ZNF804A: variants seen among roughly 807,000 people sequenced by gnomAD.
ZNF804A encodes zinc finger protein 804A.
A neutral mutation model predicts 16.5 loss-of-function variants in ZNF804A; 2 were observed. The observed-to-expected ratio is 0.12, with a 90% CI of 0.05 to 0.38. The LOEUF is 0.38. Among genes scored for constraint, ZNF804A ranks in the 10% least tolerant of loss-of-function variants. The pLI, the probability that ZNF804A is intolerant of heterozygous loss-of-function variation, is 0.99. For missense variants in ZNF804A, 1,473 were observed against 1,390.7 expected (o/e 1.06, Z -0.94); for synonymous variants, 534 against 489.6 (o/e 1.09, Z -1.20).
chr2:184,857,407 C>T (rs142910221), intron 1 of ZNF804A, among the ~76,000 whole-genome samples: 22 of 152,016 alleles, frequency 1.4e-4, no homozygotes, highest in Non-Finnish European at 2.6e-4. Flanking sequence ...TATAGGCTAT[C>T]CAGGAGAATG....
At chr2:184,843,090 A>G (rs1383743606) in intron 1 of ZNF804A, among the ~76,000 whole-genome samples, 1 of 152,028 alleles carries the variant, frequency 6.6e-6, no homozygotes, top group Non-Finnish European at 1.5e-5. Context: ...TATCATGTCC[A>G]TGTATATAGT....
intron 1 of ZNF804A, among the ~76,000 whole-genome samples, chr2:184,636,601 G>A (rs2105690337): frequency 6.6e-6 from 1 of 151,134 alleles, no homozygotes; most frequent in South Asian, 2.1e-4. Context: ...CTGTGTTAGT[G>A]TGTTCCCCCA....
intron 1 of ZNF804A, among the ~76,000 whole-genome samples, chr2:184,769,228 GA>G (rs1371671050): frequency 6.6e-6 from 1 of 151,902 alleles, no homozygotes; most frequent in African/African-American, 2.4e-5. Flanking sequence ...TTCCTTTAAG[GA>G]AAGAACACAC....
intron 1 of ZNF804A, among the ~76,000 whole-genome samples, chr2:184,756,821 T>C (rs1329002369): frequency 2.0e-5 from 3 of 152,086 alleles, no homozygotes; most frequent in South Asian, 2.1e-4. Flanking sequence ...ACTTGCTATT[T>C]TTGGTAAACA....
At chr2:184,665,668 C>A (rs911566511) in intron 1 of ZNF804A, among the ~76,000 whole-genome samples, 1 of 152,140 alleles carries the variant, frequency 6.6e-6, no homozygotes, top group Non-Finnish European at 1.5e-5. Context: ...GGGGAATAAG[C>A]CTCTTTCAAT....
chr2:184,599,765 A>C (rs928729897), intron 1 of ZNF804A, among the ~76,000 whole-genome samples: 1 of 152,242 alleles, frequency 6.6e-6, no homozygotes, highest in Non-Finnish European at 1.5e-5. Context: ...ACTGGATCAC[A>C]GAGCTTCATT....
At position 184,777,915 on chromosome 2, in the gene ZNF804A, T is replaced by A. The variant is rs114077884; in HGVS notation, c.112-88454T>A. Among the ~76,000 whole-genome samples the A allele has an allele frequency of 7.4e-3, 1,128 of 151,718 alleles. 3 individuals are homozygous for A. The highest frequency in any genetic ancestry group is 0.012 in the Non-Finnish European group (818 of 67,730). Reference sequence around the variant, plus strand: ...TGATAAAAATATTAGCTAAATTAGGTGAGTATCAAAATATAATTGACTGAA... The same window carrying A: ...TGATAAAAATATTAGCTAAATTAGGAGAGTATCAAAATATAATTGACTGAA... On this transcript the variant is annotated intron_variant, in intron 1 of 3. Transcript: ENST00000302277.
At chr2:184,935,461 A>T (rs1381795914) in intron 3 of ZNF804A, among the ~76,000 whole-genome samples, 1 of 152,210 alleles carries the variant, frequency 6.6e-6, no homozygotes, top group Admixed American at 6.5e-5. Flanking sequence ...ACAATACAAC[A>T]CTTCAAAATA....
intron 2 of ZNF804A, among the ~76,000 whole-genome samples, chr2:184,902,971 G>A (rs1055373605): frequency 3.3e-5 from 5 of 152,078 alleles, no homozygotes; most frequent in Admixed American, 6.6e-5. Context: ...TATACCTTAG[G>A]TGTCCCTCAT....
At chr2:184,819,790 C>T (rs1452391104) in intron 1 of ZNF804A, among the ~76,000 whole-genome samples, 3 of 151,970 alleles carry the variant, frequency 2.0e-5, no homozygotes, top group Non-Finnish European at 2.9e-5. Flanking sequence ...CTATAAACAC[C>T]TCTATGCACA....
chr2:184,808,466 G>A (rs1694844752), intron 1 of ZNF804A, among the ~76,000 whole-genome samples: 1 of 151,586 alleles, frequency 6.6e-6, no homozygotes, highest in African/African-American at 2.4e-5. Context: ...AGACAGAAAT[G>A]TGAATCTCTT....
intron 2 of ZNF804A, among the ~76,000 whole-genome samples, chr2:184,879,901 T>A (rs551767005): frequency 6.6e-6 from 1 of 152,176 alleles, no homozygotes; most frequent in Admixed American, 6.6e-5. Flanking sequence ...GGTTCTGAGG[T>A]GAAGGTAAAT....
chr2:184,852,257 C>CTCTA (rs966388037), intron 1 of ZNF804A, among the ~76,000 whole-genome samples: 1 of 150,962 alleles, frequency 6.6e-6, no homozygotes, highest in African/African-American at 2.4e-5. Context: ...CTCTCTCTCT[C>CTCTA]TCTCTATCTC....
rs74777390 is a variant in ZNF804A at position 184,923,509 on chromosome 2, C to T, written c.256-10094C>T. On this transcript the variant is annotated intron_variant, in intron 2 of 3. Transcript: ENST00000302277. ...ATCTGGAACAAAGATAACATGGCTTCTTCCTTTCCAATTTGGATGCCTTTT... is the reference window on the plus strand; with the variant it reads ...ATCTGGAACAAAGATAACATGGCTTTTTCCTTTCCAATTTGGATGCCTTTT... Among the ~76,000 whole-genome samples, 394 of 151,918 alleles carry T rather than the reference C, an allele frequency of 2.6e-3. 16 individuals carry two copies. The East Asian group carries it at 0.073, about 28-fold the overall frequency.
chr2:184,784,167 C>G (rs1389041908), intron 1 of ZNF804A, among the ~76,000 whole-genome samples: 1 of 151,836 alleles, frequency 6.6e-6, no homozygotes, highest in Non-Finnish European at 1.5e-5. Flanking sequence ...CTCAATACAA[C>G]TTTGGTAAGG....
At chr2:184,783,943 C>G (rs150499354) in intron 1 of ZNF804A, among the ~76,000 whole-genome samples, 3 of 152,080 alleles carry the variant, frequency 2.0e-5, no homozygotes, top group Non-Finnish European at 4.4e-5. Flanking sequence ...AAGACAATCA[C>G]CACATTTAGA....
chr2:184,876,749 C>A (rs929683697), intron 2 of ZNF804A, among the ~76,000 whole-genome samples: 4 of 152,102 alleles, frequency 2.6e-5, no homozygotes, highest in African/African-American at 7.2e-5. Context: ...TATGGTTCTT[C>A]CTTCCCTTCC....
At chr2:184,667,879 C>G (rs924349131) in intron 1 of ZNF804A, among the ~76,000 whole-genome samples, 2 of 151,678 alleles carry the variant, frequency 1.3e-5, no homozygotes, top group African/African-American at 4.8e-5. Context: ...ATAAAAATAT[C>G]TGTGTTTTCA....
chr2:184,747,251 G>A (rs1336602630), intron 1 of ZNF804A, among the ~76,000 whole-genome samples: 2 of 145,020 alleles, frequency 1.4e-5, no homozygotes, highest in Non-Finnish European at 3.0e-5. Context: ...TTGAAATAGG[G>A]CAACCCGCTC....
Sources: allele counts gnomAD v4.1 joint callset (sites outside exome capture counted in the v4.1 genomes callset), GRCh38; gene constraint gnomAD v4.1.1; transcripts MANE v1.5; gene names NCBI Gene and HGNC (gene_info 2026-07-23, HGNC 2026-07-21).